REDIC1: variants seen among roughly 807,000 people sequenced by gnomAD.
REDIC1 encodes the protein HEI10 Interacting Protein 1.
At chr12:39,713,707 TTATG>T in the REDIC1 span, among the ~76,000 whole-genome samples, 22 of 144,738 alleles carry the variant, frequency 1.5e-4, no homozygotes, top group South Asian at 6.3e-4. Context: ...ATATACATAT[TTATG>T]TATGCCTGTA....
chr12:39,759,860 A>G, the REDIC1 span: 1 of 568,588 alleles, frequency 1.8e-6, no homozygotes, highest in Non-Finnish European at 3.1e-6. Flanking sequence ...GGAAAAAAAA[A>G]GTCATCATGG....
the REDIC1 span, among the ~76,000 whole-genome samples, chr12:39,895,849 TGTATATGCGTGTATATGCACAC>T: frequency 1.6e-3 from 226 of 140,636 alleles, 56 homozygotes; most frequent in East Asian, 0.014. Context: ...CACACACATA[TGTATATGCGTGTATATGCACAC>T]ACATATGTAT....
At chr12:39,706,794 G>A in the REDIC1 span, among the ~76,000 whole-genome samples, 1,161 of 151,968 alleles carry the variant, frequency 7.6e-3, 8 homozygotes, top group Non-Finnish European at 0.012. Context: ...GCGAAAACTG[G>A]TATCTGTATG....
the REDIC1 span, among the ~76,000 whole-genome samples, chr12:39,902,405 T>C: frequency 1.3e-5 from 2 of 151,986 alleles, no homozygotes; most frequent in Non-Finnish European, 1.5e-5. Flanking sequence ...TGAAGAGAAC[T>C]ATTTTTAAAC....
At chr12:39,722,525 G>A in the REDIC1 span, among the ~76,000 whole-genome samples, 2 of 152,108 alleles carry the variant, frequency 1.3e-5, no homozygotes, top group Non-Finnish European at 2.9e-5. Flanking sequence ...CATAGAAAAA[G>A]AAGACTATAA....
chr12:39,701,128 A>G, the REDIC1 span, among the ~76,000 whole-genome samples: 1 of 119,914 alleles, frequency 8.3e-6, no homozygotes, highest in Non-Finnish European at 1.9e-5. Context: ...TCCAATTAAA[A>G]GACACAGATT....
chr12:39,895,529 TATATA>T, the REDIC1 span, among the ~76,000 whole-genome samples: 1 of 94,418 alleles, frequency 1.1e-5, no homozygotes, highest in Non-Finnish European at 2.2e-5. Context: ...TATATATATA[TATATA>T]TATATATATA....
the REDIC1 span, among the ~76,000 whole-genome samples, chr12:39,887,480 C>T: frequency 6.6e-6 from 1 of 152,118 alleles, no homozygotes; most frequent in Non-Finnish European, 1.5e-5. Context: ...AAAAAAGGGA[C>T]TTTTCACAAC....
the REDIC1 span, among the ~76,000 whole-genome samples, chr12:39,713,647 A>G: frequency 2.0e-5 from 3 of 149,074 alleles, no homozygotes; most frequent in African/African-American, 7.4e-5. Flanking sequence ...ATGTATATAT[A>G]CCTGTATACA....
At chr12:39,660,371 A>G in the REDIC1 span, among the ~76,000 whole-genome samples, 183 of 152,150 alleles carry the variant, frequency 1.2e-3, 1 homozygote, top group African/African-American at 4.2e-3. Flanking sequence ...CTGTGGCTTG[A>G]ATGTTCTCTC....
chr12:39,671,973 G>A, the REDIC1 span, among the ~76,000 whole-genome samples: 1 of 152,162 alleles, frequency 6.6e-6, no homozygotes, highest in African/African-American at 2.4e-5. Flanking sequence ...GTGGGGGCTA[G>A]TGCTAGGTGA....
chr12:39,712,927 A>G, the REDIC1 span, among the ~76,000 whole-genome samples: 1 of 147,124 alleles, frequency 6.8e-6, no homozygotes, highest in African/African-American at 2.5e-5. Flanking sequence ...ATATGTGCAT[A>G]TACGTGTATA....
chr12:39,786,899 C>A, the REDIC1 span, among the ~76,000 whole-genome samples: 6 of 152,136 alleles, frequency 3.9e-5, no homozygotes, highest in Admixed American at 3.9e-4. Context: ...TGTCCACTTA[C>A]CTTTGTTCTT....
At chr12:39,849,293 G>A in the REDIC1 span, among the ~76,000 whole-genome samples, 1 of 152,140 alleles carries the variant, frequency 6.6e-6, no homozygotes, top group African/African-American at 2.4e-5. Flanking sequence ...ATGTGCATTG[G>A]TGAATGCAGC....
the REDIC1 span, among the ~76,000 whole-genome samples, chr12:39,883,028 T>C: frequency 1.3e-5 from 2 of 152,224 alleles, no homozygotes; most frequent in African/African-American, 2.4e-5. Flanking sequence ...TGGGTTCATA[T>C]GGCTTTCCAC....
the REDIC1 span, among the ~76,000 whole-genome samples, chr12:39,636,699 A>AC: frequency 1.3e-5 from 2 of 152,084 alleles, no homozygotes; most frequent in Non-Finnish European, 2.9e-5. Context: ...TTTGCATGAC[A>AC]CAATGCCCCT....
the REDIC1 span, among the ~76,000 whole-genome samples, chr12:39,897,835 T>C: frequency 1.3e-5 from 2 of 152,260 alleles, no homozygotes; most frequent in East Asian, 3.9e-4. Flanking sequence ...AATATTTTCA[T>C]AAATCACAAA....
the REDIC1 span, chr12:39,647,973 A>C: frequency 1.3e-6 from 2 of 1,529,428 alleles, no homozygotes; most frequent in Non-Finnish European, 8.8e-7. Flanking sequence ...AAGCAGAATG[A>C]CCAGGTACCT....
chr12:39,851,695 G>A, the REDIC1 span, among the ~76,000 whole-genome samples: 1 of 152,228 alleles, frequency 6.6e-6, no homozygotes, highest in South Asian at 2.1e-4. Context: ...GAAAAGCAGC[G>A]GAATGAAGGA....
Sources: gnomAD v4.1 joint callset for allele counts (sites outside exome capture counted in the v4.1 genomes callset) on GRCh38, gnomAD v4.1.1 for gene constraint, MANE v1.5 for transcripts, NCBI Gene and HGNC (gene_info 2026-07-23, HGNC 2026-07-21) for gene names.